The following RHBDD1 variants were observed in gnomAD, a reference collection of about 807,000 sequenced individuals.
The protein encoded by RHBDD1 is rhomboid domain containing 1, also known as rhomboid-related protein 4.
Under a neutral mutation model 36.3 loss-of-function variants are expected in RHBDD1, and 38 were observed. That is an observed-to-expected ratio of 1.05 (90% CI 0.81 to 1.37). The LOEUF (loss-of-function observed/expected upper bound fraction) is 1.37. RHBDD1 is among the 40% of genes most tolerant of loss of function. The probability of loss-of-function intolerance (pLI) is 0.00; values close to 1 mark genes in which losing one functional copy is unlikely to be tolerated. For synonymous variants in RHBDD1, 151 were observed against 136.5 expected (o/e 1.11, Z -0.74); for missense variants, 393 against 377.6 (o/e 1.04, Z -0.34).
chr2:226,856,974 G>T (rs1005782760), intron 3 of RHBDD1, among the ~76,000 whole-genome samples: 2 of 152,144 alleles, frequency 1.3e-5, no homozygotes, highest in Non-Finnish European at 2.9e-5. Context: ...TATCACAGGG[G>T]AATGGTAGAG....
chr2:226,856,644 T>C (rs1190484752), intron 3 of RHBDD1, among the ~76,000 whole-genome samples: 3 of 152,142 alleles, frequency 2.0e-5, no homozygotes, highest in African/African-American at 7.2e-5. Flanking sequence ...TTCAGTTTAT[T>C]CCTAGAGAAA....
At chr2:226,805,180 A>G in the RHBDD1 span, 1 of 152,108 alleles carries the variant, frequency 6.6e-6, no homozygotes, top group South Asian at 2.1e-4. Flanking sequence ...TTTAATCCAG[A>G]GAAAGAACCC....
upstream of RHBDD1, among the ~76,000 whole-genome samples, chr2:226,832,596 T>C (rs904641252): frequency 6.6e-6 from 1 of 152,266 alleles, no homozygotes; most frequent in Non-Finnish European, 1.5e-5. Flanking sequence ...TGTATATTTC[T>C]CTGTTCAATT....
chr2:226,931,735 T>A (rs1950041536), intron 8 of RHBDD1, among the ~76,000 whole-genome samples: 1 of 152,136 alleles, frequency 6.6e-6, no homozygotes. Flanking sequence ...ACTAAATGAT[T>A]TGATTTCTTT....
At chr2:226,927,073 GA>G (rs1322205804) in intron 8 of RHBDD1, among the ~76,000 whole-genome samples, 1 of 152,074 alleles carries the variant, frequency 6.6e-6, no homozygotes, top group African/African-American at 2.4e-5. Flanking sequence ...TATCACTCCA[GA>G]AAATTACCCA....
At chr2:226,970,282 C>G (rs1437697263) in intron 8 of RHBDD1, among the ~76,000 whole-genome samples, 1 of 151,920 alleles carries the variant, frequency 6.6e-6, no homozygotes, top group African/African-American at 2.4e-5. Flanking sequence ...AGAAATAAAA[C>G]TGAATTGAGG....
intron 8 of RHBDD1, chr2:226,935,095 C>G (rs1950255468): frequency 6.6e-6 from 1 of 152,068 alleles, no homozygotes; most frequent in African/African-American, 2.4e-5. Flanking sequence ...TCACCCCCAG[C>G]TCTGCACTAC....
intron 8 of RHBDD1, among the ~76,000 whole-genome samples, chr2:226,972,601 G>A (rs1396299894): frequency 1.3e-5 from 2 of 152,198 alleles, no homozygotes; most frequent in African/African-American, 4.8e-5. Context: ...GAGCTTCTGG[G>A]TCAAGGCAGG....
the RHBDD1 span, among the ~76,000 whole-genome samples, chr2:226,821,974 A>G: frequency 1.3e-5 from 2 of 152,180 alleles, no homozygotes. Flanking sequence ...TATAGTTGAG[A>G]AAATTAAGTT....
chr2:226,944,317 C>G (rs1004456894), intron 8 of RHBDD1, among the ~76,000 whole-genome samples: 3 of 152,142 alleles, frequency 2.0e-5, no homozygotes, highest in African/African-American at 7.2e-5. Context: ...TGTTTTGTAG[C>G]TGCTTGAACC....
intron 5 of RHBDD1, among the ~76,000 whole-genome samples, chr2:226,878,245 T>C (rs1013198143): frequency 4.0e-5 from 6 of 151,142 alleles, no homozygotes; most frequent in Non-Finnish European, 7.4e-5. Context: ...TGTACAATTA[T>C]ATACAATCAC....
At chr2:226,825,102 T>C in the RHBDD1 span, among the ~76,000 whole-genome samples, 7 of 152,198 alleles carry the variant, frequency 4.6e-5, no homozygotes, top group African/African-American at 1.7e-4. Flanking sequence ...ATTATCTACA[T>C]TAGTTTTTCA....
At chr2:226,842,888 T>C (rs1333436446) in intron 3 of RHBDD1, among the ~76,000 whole-genome samples, 5 of 152,234 alleles carry the variant, frequency 3.3e-5, no homozygotes, top group Non-Finnish European at 5.9e-5. Context: ...TTTCATGATA[T>C]TGATTCTCTC....
At chr2:226,982,968 CATCATCCA>C (rs1956117587) in intron 8 of RHBDD1, among the ~76,000 whole-genome samples, 3 of 152,306 alleles carry the variant, frequency 2.0e-5, no homozygotes, top group Admixed American at 2.0e-4. Context: ...TTAAAATCTA[CATCATCCA>C]AGGTTGAGCA....
intron 8 of RHBDD1, among the ~76,000 whole-genome samples, chr2:226,949,391 G>A (rs1951259433): frequency 6.6e-6 from 1 of 152,144 alleles, no homozygotes; most frequent in African/African-American, 2.4e-5. Flanking sequence ...ATTTAAGTGA[G>A]TCATAGCATG....
At chr2:226,810,540 CAAAAAAAAA>C in the RHBDD1 span, among the ~76,000 whole-genome samples, 3 of 33,878 alleles carry the variant, frequency 8.9e-5, no homozygotes, top group South Asian at 1.3e-3. Context: ...GACTCCGTCT[CAAAAAAAAA>C]AAAAAAAAAA....
chr2:226,857,997 G>A (rs1202454824), intron 3 of RHBDD1, among the ~76,000 whole-genome samples: 1 of 152,200 alleles, frequency 6.6e-6, no homozygotes, highest in Non-Finnish European at 1.5e-5. Context: ...GGAATGCTAA[G>A]CTTGTGGGAG....
intron 1 of RHBDD1, among the ~76,000 whole-genome samples, chr2:226,837,339 G>T (rs748477402): frequency 6.6e-6 from 1 of 152,178 alleles, no homozygotes; most frequent in African/African-American, 2.4e-5. Context: ...GAGCTGTAGC[G>T]CATGGATATT....
At chr2:226,952,736 A>G (rs1321064634) in intron 8 of RHBDD1, among the ~76,000 whole-genome samples, 1 of 152,198 alleles carries the variant, frequency 6.6e-6, no homozygotes, top group Non-Finnish European at 1.5e-5. Context: ...CCCAATGCCC[A>G]CCTCATGTAA....
Sources: allele counts gnomAD v4.1 joint callset (sites outside exome capture counted in the v4.1 genomes callset), GRCh38; gene constraint gnomAD v4.1.1; transcripts MANE v1.5; gene names NCBI Gene and HGNC (gene_info 2026-07-23, HGNC 2026-07-21).